The following RBFOX1 variants were observed in gnomAD, a reference collection of about 807,000 sequenced individuals.
RBFOX1 encodes the protein RNA binding protein fox-1 homolog 1.
RBFOX1 carries 8 observed loss-of-function variants against 57.7 expected under a neutral mutation model. The ratio of observed to expected loss-of-function variants is 0.14; its 90% CI spans 0.08 to 0.25. The LOEUF is 0.25. Among genes scored for constraint, RBFOX1 ranks in the 10% least tolerant of loss-of-function variants. The probability of loss-of-function intolerance (pLI) is 1.00; values close to 1 mark genes in which losing one functional copy is unlikely to be tolerated. For synonymous variants in RBFOX1, 326 were observed against 222.4 expected (o/e 1.47, Z -4.15); for missense variants, 611 against 548.5 (o/e 1.11, Z -1.14).
At chr16:5,383,977 TG>T (rs2066195180) in intron 1 of RBFOX1, among the ~76,000 whole-genome samples, 1 of 152,236 alleles carries the variant, frequency 6.6e-6, no homozygotes. Flanking sequence ...TCCTCCATGC[TG>T]GCTTCACTAT....
intron 4 of RBFOX1, among the ~76,000 whole-genome samples, chr16:7,320,273 C>T (rs1172645273): frequency 1.3e-5 from 2 of 152,070 alleles, no homozygotes; most frequent in Admixed American, 1.3e-4. Context: ...GTTTCCCTCC[C>T]TGTATCCATG....
chr16:7,242,675 A>G (rs2094125387), intron 4 of RBFOX1, among the ~76,000 whole-genome samples: 1 of 152,160 alleles, frequency 6.6e-6, no homozygotes, highest in Admixed American at 6.5e-5. Context: ...GTGCTTCGTG[A>G]TTTGCATCCA....
intron 2 of RBFOX1, among the ~76,000 whole-genome samples, chr16:6,614,295 T>TA (rs200828825): frequency 0.017 from 2,604 of 152,296 alleles, 47 homozygotes; most frequent in Non-Finnish European, 0.029. Context: ...TTCTGAGTCT[T>TA]ACACTGGATG....
At chr16:5,875,846 C>CA (rs1555553656) in intron 4 of RBFOX1, among the ~76,000 whole-genome samples, 2 of 141,400 alleles carry the variant, frequency 1.4e-5, no homozygotes, top group Non-Finnish European at 3.1e-5. Flanking sequence ...AAGAATCCCA[C>CA]TTTTTTTTTT....
chr16:5,479,642 G>A (rs566373054), intron 2 of RBFOX1, among the ~76,000 whole-genome samples: 6 of 151,950 alleles, frequency 3.9e-5, no homozygotes, highest in South Asian at 2.1e-4. Flanking sequence ...GCCTGTCATC[G>A]CAGCTACTTG....
At chr16:5,542,373 C>T (rs543135919) in intron 2 of RBFOX1, among the ~76,000 whole-genome samples, 10 of 151,490 alleles carry the variant, frequency 6.6e-5, no homozygotes, top group African/African-American at 9.7e-5. Flanking sequence ...CTCAGCCTCC[C>T]GAGTAGCTGG....
At chr16:7,283,556 C>A (rs1445332630) in intron 4 of RBFOX1, among the ~76,000 whole-genome samples, 4 of 151,982 alleles carry the variant, frequency 2.6e-5, no homozygotes, top group African/African-American at 9.7e-5. Flanking sequence ...AGGGAAACAC[C>A]CTTGACATTC....
At chr16:6,421,251 T>C (rs1464368588) in intron 2 of RBFOX1, among the ~76,000 whole-genome samples, 1 of 152,196 alleles carries the variant, frequency 6.6e-6, no homozygotes, top group Non-Finnish European at 1.5e-5. Context: ...AGCCCGCATC[T>C]CTGCTCTTCC....
chr16:7,249,616 C>G (rs1161279697), intron 4 of RBFOX1, among the ~76,000 whole-genome samples: 8 of 150,240 alleles, frequency 5.3e-5, no homozygotes, highest in Non-Finnish European at 8.9e-5. Context: ...AAAAAAAGAG[C>G]CTGTAAGAAT....
At chr16:6,665,128 C>T (rs888967935) in intron 3 of RBFOX1, among the ~76,000 whole-genome samples, 2 of 152,182 alleles carry the variant, frequency 1.3e-5, no homozygotes, top group African/African-American at 4.8e-5. Flanking sequence ...ATGCTAAGGA[C>T]GGCAACCACC....
intron 3 of RBFOX1, among the ~76,000 whole-genome samples, chr16:5,842,821 T>A (rs529085212): frequency 2.0e-5 from 3 of 152,204 alleles, no homozygotes; most frequent in Admixed American, 6.5e-5. Flanking sequence ...TATTTTTTTT[T>A]TAATTTATTT....
At chr16:6,301,078 G>GA (rs917803691) in intron 1 of RBFOX1, among the ~76,000 whole-genome samples, 6 of 150,600 alleles carry the variant, frequency 4.0e-5, no homozygotes, top group Non-Finnish European at 3.0e-5. Flanking sequence ...AGTTGTCATT[G>GA]AAAAAAAAAT....
At chr16:5,645,748 C>G (rs1163514106) in intron 3 of RBFOX1, among the ~76,000 whole-genome samples, 4 of 152,198 alleles carry the variant, frequency 2.6e-5, no homozygotes, top group Non-Finnish European at 5.9e-5. Context: ...TGACTGTAGC[C>G]TCAATCTCCT....
intron 2 of RBFOX1, among the ~76,000 whole-genome samples, chr16:6,653,278 C>T (rs1374011545): frequency 2.0e-5 from 3 of 151,716 alleles, no homozygotes; most frequent in Non-Finnish European, 4.4e-5. Flanking sequence ...CATATTCTTT[C>T]TGGAATACCA....
At chr16:6,077,777 T>G (rs1284672205) in intron 1 of RBFOX1, among the ~76,000 whole-genome samples, 1 of 151,982 alleles carries the variant, frequency 6.6e-6, no homozygotes, top group African/African-American at 2.4e-5. Flanking sequence ...AGTACAGTGG[T>G]GCAGTCATAG....
intron 3 of RBFOX1, among the ~76,000 whole-genome samples, chr16:6,871,788 G>A (rs1296312797): frequency 6.6e-6 from 1 of 152,068 alleles, no homozygotes; most frequent in African/African-American, 2.4e-5. Flanking sequence ...CTGATTTTAG[G>A]ATCAAGTCTG....
chr16:6,975,525 C>T (rs1043726092), intron 3 of RBFOX1, among the ~76,000 whole-genome samples: 6 of 152,072 alleles, frequency 3.9e-5, no homozygotes, highest in Admixed American at 2.6e-4. Flanking sequence ...CCTTGGCCTC[C>T]CAAAGTGCTG....
intron 2 of RBFOX1, among the ~76,000 whole-genome samples, chr16:5,486,408 G>T (rs962741825): frequency 6.6e-6 from 1 of 152,176 alleles, no homozygotes; most frequent in Non-Finnish European, 1.5e-5. Context: ...ATGAAGACTT[G>T]CTTTCCCAGC....
intron 3 of RBFOX1, among the ~76,000 whole-genome samples, chr16:7,037,104 C>T (rs139090738): frequency 7.2e-5 from 11 of 152,158 alleles, no homozygotes; most frequent in African/African-American, 2.6e-4. Context: ...GGCTTCTTTA[C>T]TGCAAACTGT....
Sources: allele counts gnomAD v4.1 joint callset (sites outside exome capture counted in the v4.1 genomes callset), GRCh38; gene constraint gnomAD v4.1.1; transcripts MANE v1.5; gene names NCBI Gene and HGNC (gene_info 2026-07-23, HGNC 2026-07-21).